SLC6A13: variants seen among roughly 807,000 people sequenced by gnomAD.
The protein encoded by SLC6A13 is sodium- and chloride-dependent GABA transporter 2.
SLC6A13 carries 69 observed loss-of-function variants against 72.9 expected under a neutral mutation model. The observed-to-expected ratio is 0.95, with a 90% confidence interval of 0.78 to 1.16. The LOEUF (loss-of-function observed/expected upper bound fraction) is 1.16. Among genes scored for constraint, SLC6A13 ranks in the 50% most tolerant of loss-of-function variants. SLC6A13 has a pLI of 0.00. For missense variants in SLC6A13, 735 were observed against 760.5 expected (o/e 0.97, Z 0.39); for synonymous variants, 303 against 303.0 (o/e 1.00, Z 0.00).
At chr12:250,852 A>C (rs1014411191) in intron 2 of SLC6A13, among the ~76,000 whole-genome samples, 1 of 148,546 alleles carries the variant, frequency 6.7e-6, no homozygotes, top group South Asian at 2.1e-4. Flanking sequence ...AAAAAAAAAA[A>C]CCTAAAAACA....
At chr12:255,354 C>G (rs1350232973) in intron 2 of SLC6A13, among the ~76,000 whole-genome samples, 1 of 152,158 alleles carries the variant, frequency 6.6e-6, no homozygotes, top group African/African-American at 2.4e-5. Context: ...TGCCTTCACT[C>G]CCCTATACTC....
At chr12:222,866 G>A (rs147133535) in intron 12 of SLC6A13, among the ~76,000 whole-genome samples, 1 of 152,326 alleles carries the variant, frequency 6.6e-6, no homozygotes, top group African/African-American at 2.4e-5. Flanking sequence ...TATCGAGGTT[G>A]TCAAAAGCTG....
At chr12:226,786 A>G in intron 8 of SLC6A13, 1 of 321,864 alleles carries the variant, frequency 3.1e-6, no homozygotes, top group Middle Eastern at 1.0e-3. Flanking sequence ...ATGGATCTAG[A>G]TGTGACAAAC....
chr12:224,974 T>C (rs192776282), intron 9 of SLC6A13, among the ~76,000 whole-genome samples: 154 of 152,322 alleles, frequency 1.0e-3, no homozygotes, highest in African/African-American at 3.6e-3. Context: ...GGAATGTAGA[T>C]GGTACCAAAA....
chr12:239,817 C>G (rs532465149), intron 4 of SLC6A13, among the ~76,000 whole-genome samples: 1 of 152,182 alleles, frequency 6.6e-6, no homozygotes, highest in African/African-American at 2.4e-5. Flanking sequence ...CTTTCCTGGA[C>G]GCTGCAGTGC....
At chr12:221,094 G>A in intron 14 of SLC6A13, 24 bp from the exon 15 acceptor site, 1 of 1,570,232 alleles carries the variant, frequency 6.4e-7, no homozygotes, top group Non-Finnish European at 8.6e-7. Flanking sequence ...AGAGGTGGCT[G>A]TCAGGTGGTG....
intron 9 of SLC6A13, among the ~76,000 whole-genome samples, 188 bp downstream of exon 9, chr12:226,202 T>C (rs1941444967): frequency 2.0e-5 from 3 of 152,234 alleles, no homozygotes; most frequent in African/African-American, 7.2e-5. Flanking sequence ...AAATGTTCAC[T>C]GTAGGCCTAC....
chr12:259,963 C>T lies in SLC6A13; in HGVS notation c.90G>A (p.Leu30=), dbSNP rs757066461. 10 of 1,614,232 alleles carry T rather than the reference C, an allele frequency of 6.2e-6. No homozygotes were observed. Among genetic ancestry groups the T allele is most frequent in the Non-Finnish European group, 7.6e-6 (9 of 1,180,040 alleles). The change falls in exon 2 of 15, where the codon CTG becomes CTA. Residue 30 remains leucine, a synonymous_variant. Transcript: ENST00000343164. ...VMEKKEEDGT[L]ERGHWNNKME... is the part of the protein sequence containing the mutation. The stretch of plus-strand genomic sequence containing the variant: ...TCTTGTTGTTCCAGTGCCCCCGCTC[C>T]AGGGTGCCATCTTCCTCCTTCTTTT...
chr12:227,455 G>C lies in SLC6A13; in HGVS notation c.935+110C>G, dbSNP rs1941508475. ...GTGTTGGATATGGGGGTGTAGACAG[G>C]GGGGCAGATCCAGGAGCTGATGCAC... is the stretch of plus-strand genomic sequence containing the variant. On this transcript the variant is annotated intron_variant, in intron 8 of 14. Transcript: ENST00000343164. The C allele has an allele frequency of 2.6e-6, 4 of 1,542,628 alleles. No homozygotes were observed. The Admixed American group carries it at 5.9e-5, about 23-fold the overall frequency.
At chr12:248,506 T>C (rs1942433746) in intron 2 of SLC6A13, among the ~76,000 whole-genome samples, 1 of 151,178 alleles carries the variant, frequency 6.6e-6, no homozygotes, top group South Asian at 2.1e-4. Context: ...GAGCAAAGAA[T>C]ATTACCAAGG....
chr12:237,893 G>T, intron 5 of SLC6A13, 33 bp downstream of exon 5: 1 of 1,480,426 alleles, frequency 6.8e-7, no homozygotes, highest in Non-Finnish European at 9.5e-7. Flanking sequence ...CTGAACACAC[G>T]GCCCACAGTG....
In SLC6A13 at chr12:220,668, C is replaced by A; in HGVS notation, c.*280G>T. ...TAATGGAATGAAGGATGAGAGGGCC[C>A]GAAGCCAGCAAGTCTCGCCCCACCT... On this transcript the variant is annotated 3_prime_UTR_variant, in exon 15 of 15. Transcript: ENST00000343164. The A allele has an allele frequency of 2.4e-6, 1 of 409,810 alleles. No homozygotes were observed. The highest frequency in any genetic ancestry group is 2.4e-5 in the South Asian group (1 of 41,166). The allele number at this position is 409,810 out of a possible 1,614,324, so 25.4% of individuals were successfully genotyped here.
chr12:225,837 T>C (rs554623572), intron 9 of SLC6A13, among the ~76,000 whole-genome samples: 1 of 152,236 alleles, frequency 6.6e-6, no homozygotes, highest in African/African-American at 2.4e-5. Flanking sequence ...TTATGGCTTA[T>C]CCAGACTGGG....
chr12:226,923 T>A (rs1941483266), intron 8 of SLC6A13: 2 of 172,798 alleles, frequency 1.2e-5, no homozygotes, highest in Non-Finnish European at 2.5e-5. Flanking sequence ...TCGCCTGAAT[T>A]CAATTTTGAG....
intron 2 of SLC6A13, 117 bp from the exon 3 acceptor site, chr12:243,930 C>A: frequency 1.1e-6 from 1 of 940,464 alleles, no homozygotes; most frequent in South Asian, 1.6e-5. Context: ...AGAGAACATG[C>A]AAAACTGCAG....
At chr12:224,176 T>C (rs202182337) in intron 10 of SLC6A13, 47 bp from the exon 11 acceptor site, 10 of 1,610,844 alleles carry the variant, frequency 6.2e-6, no homozygotes, top group African/African-American at 1.3e-5. Flanking sequence ...GCTCCCGAGA[T>C]GCCCTGTCCA....
chr12:249,546 C>T (rs1042587694), intron 2 of SLC6A13, among the ~76,000 whole-genome samples: 10 of 152,050 alleles, frequency 6.6e-5, no homozygotes, highest in Admixed American at 5.9e-4. Context: ...AACGTAACTA[C>T]CAAAGCCCAC....
At chr12:227,762 G>A (rs1941526013) in intron 7 of SLC6A13, 94 bp from the exon 8 acceptor site, 1 of 1,043,598 alleles carries the variant, frequency 9.6e-7, no homozygotes, top group South Asian at 1.6e-5. Flanking sequence ...GCCAGACACT[G>A]GCTAGGGATG....
chr12:235,196 T>C lies in SLC6A13; in HGVS notation c.725A>G (p.Tyr242Cys), dbSNP rs562454555. ...KVVYFTATFP[Y>C]LMLVVLLIRG... ...AATTAACAGGACCACCAGCATGAGG[T>C]AAGGAAATGTGGCCGTGAAGTACAC... Residue 242 changes from tyrosine to cysteine, a missense_variant, in exon 7 of 15, where the codon TAC (tyrosine) becomes TGC (cysteine). Tyr to Cys is a radical substitution (Grantham distance 194). Transcript: ENST00000343164. The C allele has an allele frequency of 5.5e-5, 89 of 1,613,870 alleles. No individual in the cohort carries two copies. Among genetic ancestry groups the C allele is most frequent in the South Asian group, 5.1e-4 (46 of 91,076 alleles).
Sources: allele counts gnomAD v4.1 joint callset (sites outside exome capture counted in the v4.1 genomes callset), GRCh38; gene constraint gnomAD v4.1.1; transcripts MANE v1.5; gene names NCBI Gene and HGNC (gene_info 2026-07-23, HGNC 2026-07-21).